The following RBM28 variants were observed in gnomAD, a reference collection of about 807,000 sequenced individuals.
RBM28 encodes the protein RNA binding motif protein 28.
Under a neutral mutation model 98.3 loss-of-function variants are expected in RBM28, and 78 were observed. That is an observed-to-expected ratio of 0.79 (90% CI 0.66 to 0.96). The LOEUF is 0.96. RBM28 is among the 40% of genes least tolerant of loss of function. The pLI, the probability that RBM28 is intolerant of heterozygous loss-of-function variation, is 0.00. For synonymous variants in RBM28, 306 were observed against 330.9 expected (o/e 0.92, Z 0.82); for missense variants, 838 against 913.0 (o/e 0.92, Z 1.06).
intron 13 of RBM28, among the ~76,000 whole-genome samples, chr7:128,321,969 A>G (rs1357336822): frequency 1.3e-5 from 2 of 151,388 alleles, no homozygotes; most frequent in African/African-American, 4.9e-5. Flanking sequence ...AATCGCTTGA[A>G]CCTGGGAGCC....
chr7:128,333,439 A>G (rs1318255653), intron 8 of RBM28, 77 bp from the exon 9 acceptor site: 4 of 1,242,974 alleles, frequency 3.2e-6, no homozygotes, highest in Non-Finnish European at 4.7e-6. Context: ...TCTTAAGTAC[A>G]TAAAGATAAG....
At chr7:128,341,319 T>C (rs1428597040) in intron 1 of RBM28, 3 of 501,316 alleles carry the variant, frequency 6.0e-6, no homozygotes, top group African/African-American at 2.0e-5. Flanking sequence ...AGAAAATTCA[T>C]AGCCCTTCAT....
chr7:128,338,899 T>C (rs373156637), intron 3 of RBM28, 98 bp from the exon 4 acceptor site: 25 of 924,076 alleles, frequency 2.7e-5, no homozygotes, highest in East Asian at 1.3e-4. Flanking sequence ...AAAACATGAA[T>C]GTTTACTTTT....
intron 10 of RBM28, among the ~76,000 whole-genome samples, chr7:128,330,192 A>C (rs867780169): frequency 6.6e-6 from 1 of 152,116 alleles, no homozygotes; most frequent in African/African-American, 2.4e-5. Flanking sequence ...AATTTCAAGC[A>C]ATGTGGAATG....
rs1795817338 is a variant in RBM28, at chr7:128,304,026, G to A, written c.*6771C>T. ...GCAAGTGGGGACATCTCAAAGAGTGGGCTGGCCACTCCCAGAACCTGTGTA... is the reference window on the plus strand; with the variant it reads ...GCAAGTGGGGACATCTCAAAGAGTGAGCTGGCCACTCCCAGAACCTGTGTA... On this transcript the variant is annotated 3_prime_UTR_variant, in exon 19 of 19. Coordinates refer to ENST00000223073, the MANE Select transcript of RBM28 (RefSeq NM_018077.3). 6.6e-6 allele frequency: 1 copy of A among 152,144 alleles called. No homozygotes were observed. Among genetic ancestry groups the A allele is most frequent in the African/African-American group, 2.4e-5 (1 of 41,412 alleles). The allele number at this position is 152,144 out of a possible 1,614,324, so 9.4% of individuals were successfully genotyped here. A position where few individuals can be genotyped will look rare whatever the true frequency, so the allele number is the denominator to read the frequency against.
chr7:128,333,424 T>C, intron 8 of RBM28, 62 bp from the exon 9 acceptor site: 7 of 1,339,262 alleles, frequency 5.2e-6, no homozygotes, highest in South Asian at 1.2e-5. Flanking sequence ...GACAAAGAGC[T>C]AACTTCTTAA....
intron 14 of RBM28, among the ~76,000 whole-genome samples, chr7:128,320,109 C>G (rs1008831431): frequency 6.7e-6 from 1 of 150,320 alleles, no homozygotes; most frequent in East Asian, 2.0e-4. Context: ...CCCAGCTACT[C>G]GGGAAGCTGA....
intron 14 of RBM28, among the ~76,000 whole-genome samples, chr7:128,320,223 AAAAAAAAAAAAAG>A (rs1584641245): frequency 8.8e-6 from 1 of 113,002 alleles, no homozygotes; most frequent in East Asian, 2.5e-4. Context: ...CTCAAAAAAA[AAAAAAAAAAAAAG>A]AAAGAAAGAA....
At chr7:128,317,860 A>AC in intron 15 of RBM28, 97 bp downstream of exon 15, 1 of 1,563,452 alleles carries the variant, frequency 6.4e-7, no homozygotes, top group Non-Finnish European at 8.8e-7. Flanking sequence ...ACTGTTTCCC[A>AC]CCCCTCAAAT....
At chr7:128,341,107 T>C (rs1487100827) in intron 1 of RBM28, 5 of 1,251,556 alleles carry the variant, frequency 4.0e-6, no homozygotes, top group East Asian at 5.6e-5. Flanking sequence ...GATCAAGAAG[T>C]CTGCCTTTAC....
In RBM28 at chr7:128,306,911, ACT is replaced by A. The variant is rs1795878256; in HGVS notation, c.*3884_*3885del. 3 of 152,330 alleles carry A rather than the reference ACT, an allele frequency of 2.0e-5. No individual in the cohort carries two copies. Among genetic ancestry groups the A allele is most frequent in the African/African-American group, 7.2e-5 (3 of 41,452 alleles). The allele number at this position is 152,330 out of a possible 1,614,324, so 9.4% of individuals were successfully genotyped here. A position where few individuals can be genotyped will look rare whatever the true frequency, so the allele number is the denominator to read the frequency against. On this transcript the variant is annotated 3_prime_UTR_variant, in exon 19 of 19. Coordinates refer to ENST00000223073, the MANE Select transcript of RBM28 (RefSeq NM_018077.3). ...CTGGTCACCAAGTAAGCCATCACAG[ACT>A]CTGCAAATAATCCTGGAAAGGAAGA...
intron 8 of RBM28, 105 bp from the exon 9 acceptor site, chr7:128,333,467 T>C (rs1796529369): frequency 2.1e-6 from 2 of 972,250 alleles, no homozygotes; most frequent in Admixed American, 4.1e-5. Flanking sequence ...CAGTGGCTCA[T>C]GCCACTTTGA....
intron 1 of RBM28, among the ~76,000 whole-genome samples, chr7:128,341,752 C>T (rs1267934223): frequency 6.6e-6 from 1 of 152,236 alleles, no homozygotes; most frequent in Admixed American, 6.5e-5. Flanking sequence ...ATACAACCAC[C>T]TGGGTACGGA....
intron 10 of RBM28, among the ~76,000 whole-genome samples, chr7:128,327,965 T>G (rs1379419884): frequency 6.6e-6 from 1 of 152,170 alleles, no homozygotes; most frequent in Non-Finnish European, 1.5e-5. Flanking sequence ...ATCTTCTGCC[T>G]CCTATAAAAA....
At position 128,309,596 on chromosome 7, in the gene RBM28, G is replaced by GCA. The variant is rs988033190; in HGVS notation, c.*1199_*1200dup. On this transcript the variant is annotated 3_prime_UTR_variant, in exon 19 of 19. Transcript: ENST00000223073. The stretch of plus-strand genomic sequence containing the variant: ...TGCAATGAGCTGAGACAGCGCCATT[G>GCA]CACTCCAGCCTGGGCGACAGAGTGA... 6.8e-6 allele frequency: 1 copy of GCA among 147,040 alleles called. No individual in the cohort carries two copies. Among genetic ancestry groups the GCA allele is most frequent in the African/African-American group, 2.5e-5 (1 of 39,400 alleles). The allele number at this position is 147,040 out of a possible 1,614,324, so 9.1% of individuals were successfully genotyped here.
intron 14 of RBM28, among the ~76,000 whole-genome samples, chr7:128,319,992 C>T (rs566822467): frequency 6.6e-6 from 1 of 151,872 alleles, no homozygotes; most frequent in East Asian, 1.9e-4. Context: ...CCGAGGCAGG[C>T]GGATCACTTG....
chr7:128,339,890 C>A, intron 1 of RBM28, 99 bp from the exon 2 acceptor site: 1 of 1,372,606 alleles, frequency 7.3e-7, no homozygotes, highest in Non-Finnish European at 1.0e-6. Context: ...AAAGCCTAAG[C>A]TAGAGGATAT....
rs1467285754 is a variant in RBM28 at position 128,314,997 on chromosome 7, T to G, written c.1812A>C (p.Ala604=). ...GTTGCCCCTTCTGAGGCTCACCAGT[T>G]GCAGGCTTGGATCTCATTTTTTGCT... ...RSLQKMRSKP[A]TGEPQKGQPE... The change falls in exon 17 of 19, where the codon GCA becomes GCC. Residue 604 remains alanine (A), a synonymous_variant. Coordinates refer to ENST00000223073, the MANE Select transcript of RBM28 (RefSeq NM_018077.3). 2 of 1,614,120 alleles carry G rather than the reference T, an allele frequency of 1.2e-6. No homozygotes were observed. The highest frequency in any genetic ancestry group is 1.7e-6 in the Non-Finnish European group (2 of 1,180,056).
In RBM28 at chr7:128,337,045, A is replaced by G; in HGVS notation, c.613+86T>C. The G allele has an allele frequency of 2.1e-6, 3 of 1,431,732 alleles. No individual in the cohort carries two copies. In the South Asian group the frequency reaches 3.4e-5, roughly 16 times the overall value. 88.7% of individuals were successfully genotyped at this position (1,431,732 alleles called of 1,614,324 possible). A position where few individuals can be genotyped will look rare whatever the true frequency, so the allele number is the denominator to read the frequency against. ...CCACTGCACCCAGCCTTTTTCTTAC[A>G]CTTTTATCATGAACACAGGAGTTGT... On this transcript the variant is annotated intron_variant, in intron 6 of 18. Transcript: ENST00000223073.
Sources: allele counts gnomAD v4.1 joint callset (sites outside exome capture counted in the v4.1 genomes callset), GRCh38; gene constraint gnomAD v4.1.1; transcripts MANE v1.5; gene names NCBI Gene and HGNC (gene_info 2026-07-23, HGNC 2026-07-21).